ERBB4: variants seen among roughly 807,000 people sequenced by gnomAD.
ERBB4 encodes the protein receptor tyrosine-protein kinase erbB-4.
A neutral mutation model predicts 158.0 loss-of-function variants in ERBB4; 42 were observed. The ratio of observed to expected loss-of-function variants is 0.27; its 90% CI spans 0.21 to 0.34. ERBB4 has a LOEUF of 0.34. Ranked by LOEUF, ERBB4 falls within the 10% of genes least tolerant of loss-of-function variation. The pLI is 1.00. For missense variants in ERBB4, 1,333 were observed against 1,624.1 expected (o/e 0.82, Z 3.08); for synonymous variants, 583 against 558.7 (o/e 1.04, Z -0.61).
intron 2 of ERBB4, among the ~76,000 whole-genome samples, chr2:212,114,734 A>G (rs2079521904): frequency 6.6e-6 from 1 of 152,184 alleles, no homozygotes; most frequent in African/African-American, 2.4e-5. Context: ...TTCTTCAGCC[A>G]TTGACTGCCT....
At chr2:212,159,667 C>G (rs1489373594) in intron 1 of ERBB4, among the ~76,000 whole-genome samples, 1 of 151,608 alleles carries the variant, frequency 6.6e-6, no homozygotes, top group Non-Finnish European at 1.5e-5. Context: ...TTAATGAAAG[C>G]CTGCACAATT....
chr2:212,535,658 G>A (rs1483985715), intron 1 of ERBB4, among the ~76,000 whole-genome samples: 1 of 152,106 alleles, frequency 6.6e-6, no homozygotes, highest in Non-Finnish European at 1.5e-5. Flanking sequence ...CCTTTGGTTA[G>A]CAAAGGCTTT....
chr2:211,576,948 G>A (rs114275882), intron 19 of ERBB4, among the ~76,000 whole-genome samples: 1 of 152,180 alleles, frequency 6.6e-6, no homozygotes, highest in East Asian at 1.9e-4. Flanking sequence ...GGGTGTGGAT[G>A]ATACAAATTC....
intron 3 of ERBB4, among the ~76,000 whole-genome samples, chr2:211,873,263 G>T (rs2078399467): frequency 1.3e-5 from 2 of 152,256 alleles, no homozygotes; most frequent in Non-Finnish European, 2.9e-5. Context: ...TCCCATTGCT[G>T]ATGCATAGAT....
At chr2:211,899,957 G>A (rs1407315561) in intron 3 of ERBB4, among the ~76,000 whole-genome samples, 1 of 152,082 alleles carries the variant, frequency 6.6e-6, no homozygotes, top group East Asian at 1.9e-4. Context: ...TATAAACTCA[G>A]TATTGTACTT....
At chr2:211,787,281 A>C (rs1385429457) in intron 4 of ERBB4, among the ~76,000 whole-genome samples, 1 of 152,218 alleles carries the variant, frequency 6.6e-6, no homozygotes, top group African/African-American at 2.4e-5. Context: ...AAATGTGGGG[A>C]TCACATAGCC....
chr2:212,086,203 T>C (rs921058277), intron 2 of ERBB4, among the ~76,000 whole-genome samples: 14 of 151,880 alleles, frequency 9.2e-5, no homozygotes, highest in Non-Finnish European at 1.6e-4. Context: ...GGCTGCCACG[T>C]TTTCTATTAT....
At chr2:211,573,452 C>T (rs553963550) in intron 19 of ERBB4, among the ~76,000 whole-genome samples, 10 of 152,194 alleles carry the variant, frequency 6.6e-5, no homozygotes, top group Admixed American at 3.9e-4. Context: ...GGGCAGATCA[C>T]GAGGTCAGGA....
intron 1 of ERBB4, among the ~76,000 whole-genome samples, chr2:212,245,344 T>G (rs2084268408): frequency 6.6e-6 from 1 of 152,188 alleles, no homozygotes; most frequent in Non-Finnish European, 1.5e-5. Context: ...TTTTCTACAT[T>G]TCCTGTTACT....
intron 2 of ERBB4, among the ~76,000 whole-genome samples, chr2:212,082,663 T>C (rs2125471622): frequency 6.6e-6 from 1 of 152,116 alleles, no homozygotes; most frequent in South Asian, 2.1e-4. Flanking sequence ...GGAAAAATAT[T>C]TTTGACAGAG....
chr2:212,118,563 A>C (rs1199068693), intron 2 of ERBB4, among the ~76,000 whole-genome samples: 11 of 151,964 alleles, frequency 7.2e-5, no homozygotes, highest in Non-Finnish European at 1.2e-4. Context: ...CCTCAGAAGA[A>C]TCCCATACAT....
intron 1 of ERBB4, among the ~76,000 whole-genome samples, chr2:212,163,880 C>A (rs545942204): frequency 6.6e-6 from 1 of 152,000 alleles, no homozygotes; most frequent in African/African-American, 2.4e-5. Flanking sequence ...GCAGCCTCAA[C>A]CTCCTGGGTT....
intron 2 of ERBB4, among the ~76,000 whole-genome samples, chr2:212,046,969 A>G (rs946010751): frequency 6.6e-6 from 1 of 152,166 alleles, no homozygotes; most frequent in East Asian, 1.9e-4. Flanking sequence ...CCAATTTGGA[A>G]GCTTACTATA....
intron 2 of ERBB4, among the ~76,000 whole-genome samples, chr2:212,038,571 A>G (rs571207170): frequency 2.7e-4 from 41 of 152,262 alleles, no homozygotes; most frequent in African/African-American, 9.4e-4. Context: ...CTGATTCTCA[A>G]AACAATTGAG....
chr2:212,084,710 A>T (rs1002909337), intron 2 of ERBB4, among the ~76,000 whole-genome samples: 3 of 152,002 alleles, frequency 2.0e-5, no homozygotes, highest in Non-Finnish European at 2.9e-5. Context: ...CATCTGAAAC[A>T]TAGAGAAAAT....
chr2:211,547,660 G>A (rs570426586), intron 20 of ERBB4, among the ~76,000 whole-genome samples: 2 of 151,914 alleles, frequency 1.3e-5, no homozygotes, highest in South Asian at 2.1e-4. Flanking sequence ...ACAATACCAA[G>A]CCTCAAAAAG....
At chr2:212,426,081 T>C (rs1035780591) in intron 1 of ERBB4, among the ~76,000 whole-genome samples, 13 of 152,058 alleles carry the variant, frequency 8.5e-5, no homozygotes, top group South Asian at 6.2e-4. Context: ...CATTTTACAA[T>C]GTCTGAACTT....
chr2:212,283,157 A>T (rs536336273), intron 1 of ERBB4, among the ~76,000 whole-genome samples: 2 of 152,130 alleles, frequency 1.3e-5, no homozygotes, highest in Admixed American at 6.6e-5. Flanking sequence ...AACCACAAAC[A>T]ATCTAGAACA....
At chr2:211,934,049 G>A (rs1340065840) in intron 3 of ERBB4, among the ~76,000 whole-genome samples, 3 of 151,882 alleles carry the variant, frequency 2.0e-5, no homozygotes, top group Non-Finnish European at 2.9e-5. Context: ...AATTACATGC[G>A]TTTCAATAAT....
Sources: gnomAD v4.1 joint callset for allele counts (sites outside exome capture counted in the v4.1 genomes callset) on GRCh38, gnomAD v4.1.1 for gene constraint, MANE v1.5 for transcripts, NCBI Gene and HGNC (gene_info 2026-07-23, HGNC 2026-07-21) for gene names.